The following ARHGAP25 variants were observed in gnomAD, a reference collection of about 807,000 sequenced individuals.
ARHGAP25 encodes rho GTPase-activating protein 25.
A neutral mutation model predicts 71.0 loss-of-function variants in ARHGAP25; 34 were observed. That is an observed-to-expected ratio of 0.48 (90% CI 0.36 to 0.64). The LOEUF is 0.64. ARHGAP25 is among the 30% of genes least tolerant of loss of function. The pLI, the probability that ARHGAP25 is intolerant of heterozygous loss-of-function variation, is 0.00. For missense variants in ARHGAP25, 706 were observed against 805.1 expected (o/e 0.88, Z 1.49); for synonymous variants, 282 against 296.5 (o/e 0.95, Z 0.50).
chr2:68,722,754 G>A (rs929809034), intron 2 of ARHGAP25, among the ~76,000 whole-genome samples: 1 of 152,086 alleles, frequency 6.6e-6, no homozygotes, highest in African/African-American at 2.4e-5. Context: ...CCTAGCTCAG[G>A]CTCCTGAACC....
rs137975645 is a variant in ARHGAP25, at chr2:68,806,579, A to C, written c.467-694A>C. Among the ~76,000 whole-genome samples, 369 of 152,350 alleles carry C rather than the reference A, an allele frequency of 2.4e-3. 1 individual carries two copies. Among genetic ancestry groups the C allele is most frequent in the African/African-American group, 8.5e-3 (355 of 41,578 alleles). Reference sequence around the variant, plus strand: ...TACGCGACTCCTGGGCAAGTAGTGTATATAACGTGGATACACTGGACAAAG... The same window carrying C: ...TACGCGACTCCTGGGCAAGTAGTGTCTATAACGTGGATACACTGGACAAAG... On this transcript the variant is annotated intron_variant, in intron 4 of 10. Coordinates refer to ENST00000409202, the MANE Select transcript of ARHGAP25 (RefSeq NM_001007231.3).
intron 10 of ARHGAP25, 66 bp downstream of exon 10, chr2:68,822,938 C>T: frequency 3.4e-6 from 5 of 1,463,948 alleles, no homozygotes; most frequent in Non-Finnish European, 4.6e-6. Context: ...AGGGATTGTT[C>T]CCATCCGCCA....
At chr2:68,788,030 T>C in intron 4 of ARHGAP25, 74 bp downstream of exon 4, 1 of 1,187,862 alleles carries the variant, frequency 8.4e-7, no homozygotes, top group Non-Finnish European at 1.3e-6. Flanking sequence ...TCCAATGTGA[T>C]AGCTCCTTGA....
Position 68,826,169 on chromosome 2 carries a change from T to C in ARHGAP25, c.1916T>C (p.Met639Thr). 1 of 1,614,060 alleles carries C rather than the reference T, an allele frequency of 6.2e-7. No individual in the cohort carries two copies. Among genetic ancestry groups the C allele is most frequent in the Non-Finnish European group, 8.5e-7 (1 of 1,179,988 alleles). ...EEEVKEFVKS[M>T]KEPKTEA ...GAAGTCAAGGAATTTGTCAAATCCA[T>C]GAAGGAACCCAAGACCGAGGCTTAA... The change falls in exon 11 of 11, where the codon ATG (methionine) becomes ACG (threonine). Residue 639 changes from methionine to threonine, a missense_variant. Physicochemically the swap from Met to Thr is moderately conservative, Grantham distance 81. Coordinates refer to ENST00000409202, the MANE Select transcript of ARHGAP25 (RefSeq NM_001007231.3).
intron 5 of ARHGAP25, among the ~76,000 whole-genome samples, chr2:68,811,559 A>T (rs987124572): frequency 8.5e-5 from 13 of 152,132 alleles, no homozygotes; most frequent in African/African-American, 3.1e-4. Context: ...CCTACCCCAG[A>T]TTTCCTGAGG....
chr2:68,812,246 C>T (rs11897748), intron 5 of ARHGAP25, among the ~76,000 whole-genome samples: 85,863 of 152,016 alleles, frequency 0.56, 24,767 homozygotes, highest in East Asian at 0.87. Context: ...TTTTACATCA[C>T]GACACACTCT....
chr2:68,772,492 G>C (rs185209081), intron 1 of ARHGAP25, among the ~76,000 whole-genome samples: 206 of 152,376 alleles, frequency 1.4e-3, no homozygotes, highest in Non-Finnish European at 1.7e-3. Flanking sequence ...CTACTGAAGT[G>C]GGGGAGAATG....
rs1440522169 is a variant in ARHGAP25, at chr2:68,826,548, T to G, written c.*354T>G. The G allele has an allele frequency of 2.7e-6, 1 of 374,582 alleles. No homozygotes were observed. Among genetic ancestry groups the G allele is most frequent in the Non-Finnish European group, 5.2e-6 (1 of 194,098 alleles). 23.2% of individuals were successfully genotyped at this position (374,582 alleles called of 1,614,324 possible). A position where few individuals can be genotyped will look rare whatever the true frequency, so the allele number is the denominator to read the frequency against. On this transcript the variant is annotated 3_prime_UTR_variant, in exon 11 of 11. Coordinates refer to ENST00000409202, the MANE Select transcript of ARHGAP25 (RefSeq NM_001007231.3). The stretch of plus-strand genomic sequence containing the variant: ...GACTAAGGTGTGATTAATTCTTTGT[T>G]TTTTGTGTGGAACAGCTCACCTTGT...
At chr2:68,762,285 T>C (rs1206258715) in intron 1 of ARHGAP25, among the ~76,000 whole-genome samples, 1 of 152,134 alleles carries the variant, frequency 6.6e-6, no homozygotes, top group Non-Finnish European at 1.5e-5. Context: ...TTTTTCAAGA[T>C]GAAAAGAGTT....
chr2:68,810,037 G>A (rs1680662706), intron 5 of ARHGAP25, among the ~76,000 whole-genome samples: 1 of 151,674 alleles, frequency 6.6e-6, no homozygotes, highest in Non-Finnish European at 1.5e-5. Context: ...GGGAAGGGCT[G>A]GCAGAACCAT....
Position 68,817,865 on chromosome 2 carries a change from G to C in ARHGAP25, c.882-8G>C. The C allele has an allele frequency of 6.2e-7, 1 of 1,613,660 alleles. No homozygotes were observed. The highest frequency in any genetic ancestry group is 8.5e-7 in the Non-Finnish European group (1 of 1,179,708). ...CTTTCTACCATGGGATTTCTTGGCT[G>C]TCTGTAGGTTCCTACATGAAATACA... On this transcript the variant is annotated splice_region_variant and splice_polypyrimidine_tract_variant and intron_variant, in intron 7 of 10. Transcript: ENST00000409202.
intron 4 of ARHGAP25, among the ~76,000 whole-genome samples, chr2:68,800,547 G>GGGGCTGGCAT (rs1175020847): frequency 6.6e-6 from 1 of 152,010 alleles, no homozygotes; most frequent in Admixed American, 6.6e-5. Context: ...GAGGGGAGGT[G>GGGGCTGGCAT]GGGCTGGCAT....
In ARHGAP25 at chr2:68,767,742, T is replaced by A. The variant is rs896848492; in HGVS notation, c.62-7479T>A. ...TTCTTGTTGGGGTATCAGCACAGCCTCAGTGGTGGGCTTGAGGTTTCAGTA... is the reference window on the plus strand; with the variant it reads ...TTCTTGTTGGGGTATCAGCACAGCCACAGTGGTGGGCTTGAGGTTTCAGTA... On this transcript the variant is annotated intron_variant, in intron 1 of 10. Transcript: ENST00000409202. This position sits in a 1 kb window ranked among gnomAD's most constrained non-coding sequence, Gnocchi z 4.6. Among the ~76,000 whole-genome samples, 7 of 152,218 alleles carry A rather than the reference T, an allele frequency of 4.6e-5. No homozygotes were observed. The highest frequency in any genetic ancestry group is 1.7e-4 in the African/African-American group (7 of 41,446).
At chr2:68,807,541 G>T in intron 5 of ARHGAP25, 61 bp downstream of exon 5, 1 of 1,535,942 alleles carries the variant, frequency 6.5e-7, no homozygotes. Flanking sequence ...TTGGCTGGGA[G>T]GGCCTCTCCA....
At chr2:68,764,681 G>A (rs1204131229) in intron 1 of ARHGAP25, among the ~76,000 whole-genome samples, 1 of 152,110 alleles carries the variant, frequency 6.6e-6, no homozygotes, top group Non-Finnish European at 1.5e-5. Flanking sequence ...CACTTGGAAG[G>A]AGCTCTCAGG....
chr2:68,804,745 T>C (rs1043006139), intron 4 of ARHGAP25, among the ~76,000 whole-genome samples: 1 of 152,236 alleles, frequency 6.6e-6, no homozygotes, highest in African/African-American at 2.4e-5. Flanking sequence ...TCAAGGAGAT[T>C]CCTATTAGTG....
intron 1 of ARHGAP25, among the ~76,000 whole-genome samples, chr2:68,751,364 A>G (rs1302946210): frequency 2.0e-5 from 3 of 152,220 alleles, no homozygotes; most frequent in Non-Finnish European, 4.4e-5. Flanking sequence ...ACAAGGAACC[A>G]ATTTTAAGGG....
chr2:68,820,406 A>G (rs1265568495), intron 9 of ARHGAP25, among the ~76,000 whole-genome samples: 1 of 152,186 alleles, frequency 6.6e-6, no homozygotes, highest in African/African-American at 2.4e-5. Flanking sequence ...CCAATGTAGT[A>G]GCACTAGCTT....
intron 1 of ARHGAP25, among the ~76,000 whole-genome samples, chr2:68,743,373 A>T (rs1675628117): frequency 6.6e-6 from 1 of 151,832 alleles, no homozygotes. Context: ...TATTAGCTCT[A>T]AGAGTCCTGT....
Sources: allele counts gnomAD v4.1 joint callset (sites outside exome capture counted in the v4.1 genomes callset), GRCh38; gene constraint gnomAD v4.1.1; non-coding constraint Gnocchi (gnomAD v3.1); transcripts MANE v1.5; gene names NCBI Gene and HGNC (gene_info 2026-07-23, HGNC 2026-07-21).